CDH13: variants seen among roughly 807,000 people sequenced by gnomAD.
The protein encoded by CDH13 is cadherin-13.
CDH13 carries 24 observed loss-of-function variants against 63.8 expected under a neutral mutation model. The observed-to-expected ratio is 0.38, with a 90% CI of 0.27 to 0.53. The LOEUF (loss-of-function observed/expected upper bound fraction) is 0.53. CDH13 is among the 20% of genes least tolerant of loss of function. CDH13 has a pLI of 0.85. For missense variants in CDH13, 1,049 were observed against 903.1 expected (o/e 1.16, Z -2.07); for synonymous variants, 503 against 355.3 (o/e 1.42, Z -4.67).
At chr16:83,517,510 A>G (rs188151583) in intron 7 of CDH13, among the ~76,000 whole-genome samples, 7 of 152,258 alleles carry the variant, frequency 4.6e-5, no homozygotes, top group Admixed American at 1.3e-4. Flanking sequence ...GCAGAAGAAC[A>G]AAGAGTTACA....
At chr16:83,358,793 G>C (rs1267540298) in intron 6 of CDH13, among the ~76,000 whole-genome samples, 3 of 152,020 alleles carry the variant, frequency 2.0e-5, no homozygotes, top group Admixed American at 2.0e-4. Context: ...TTATCTTAGA[G>C]TTCCTTCCAG....
At chr16:82,772,596 C>T (rs1408857060) in intron 1 of CDH13, among the ~76,000 whole-genome samples, 1 of 152,186 alleles carries the variant, frequency 6.6e-6, no homozygotes, top group African/African-American at 2.4e-5. Context: ...GCTAACTAAG[C>T]TACTGAATAC....
At chr16:83,527,448 C>G (rs1426449214) in intron 7 of CDH13, among the ~76,000 whole-genome samples, 1 of 138,934 alleles carries the variant, frequency 7.2e-6, no homozygotes, top group African/African-American at 2.6e-5. Context: ...GACCCCATCT[C>G]AAAAAAAAAA....
At chr16:82,852,278 T>A (rs888016799) in intron 1 of CDH13, among the ~76,000 whole-genome samples, 3 of 152,210 alleles carry the variant, frequency 2.0e-5, no homozygotes, top group African/African-American at 7.2e-5. Flanking sequence ...CATGGATGTT[T>A]AGTGTACAAT....
intron 7 of CDH13, among the ~76,000 whole-genome samples, chr16:83,518,540 T>C (rs1450947053): frequency 6.6e-6 from 1 of 150,472 alleles, no homozygotes; most frequent in East Asian, 2.0e-4. Flanking sequence ...TGGTGCAATG[T>C]TGGCTCACTG....
intron 8 of CDH13, among the ~76,000 whole-genome samples, chr16:83,627,225 G>A (rs1044730433): frequency 6.6e-6 from 1 of 152,124 alleles, no homozygotes; most frequent in African/African-American, 2.4e-5. Flanking sequence ...AGGAGGCAGA[G>A]GTTGCAGTGA....
chr16:83,177,374 C>G (rs117832645), intron 4 of CDH13, among the ~76,000 whole-genome samples: 15 of 152,302 alleles, frequency 9.8e-5, no homozygotes, highest in Non-Finnish European at 1.8e-4. Context: ...CCCAGGTCTG[C>G]TACAGCACAA....
At chr16:83,282,861 A>T (rs141488759) in intron 5 of CDH13, among the ~76,000 whole-genome samples, 112 of 152,142 alleles carry the variant, frequency 7.4e-4, no homozygotes, top group African/African-American at 2.5e-3. Context: ...TGAGCAATTG[A>T]CCTCTGTGGG....
chr16:83,092,217 A>G (rs959207834), intron 3 of CDH13, among the ~76,000 whole-genome samples: 13 of 152,240 alleles, frequency 8.5e-5, no homozygotes, highest in Non-Finnish European at 1.9e-4. Flanking sequence ...AAGTGACACA[A>G]TTCTTCAATA....
intron 3 of CDH13, among the ~76,000 whole-genome samples, chr16:83,063,005 C>A (rs967759286): frequency 6.7e-6 from 1 of 149,584 alleles, no homozygotes; most frequent in South Asian, 2.1e-4. Flanking sequence ...CTCTATTACC[C>A]AGGCTGGAGT....
intron 3 of CDH13, among the ~76,000 whole-genome samples, chr16:83,084,804 C>G (rs1476866984): frequency 1.3e-5 from 2 of 152,190 alleles, no homozygotes; most frequent in African/African-American, 4.8e-5. Context: ...AGGAGAATCC[C>G]TTGAACCCAG....
At chr16:83,659,691 C>T (rs1267753479) in intron 8 of CDH13, among the ~76,000 whole-genome samples, 1 of 151,852 alleles carries the variant, frequency 6.6e-6, no homozygotes, top group African/African-American at 2.4e-5. Context: ...CAGCTTTAGT[C>T]TGATACCCTT....
chr16:83,118,538 G>A (rs1303902704), intron 3 of CDH13, among the ~76,000 whole-genome samples: 1 of 152,156 alleles, frequency 6.6e-6, no homozygotes. Flanking sequence ...TCTGGCCTTA[G>A]GCCATCCACA....
At chr16:83,443,713 A>G (rs2072554828) in intron 6 of CDH13, among the ~76,000 whole-genome samples, 1 of 91,884 alleles carries the variant, frequency 1.1e-5, no homozygotes, top group Admixed American at 1.1e-4. Flanking sequence ...ACGAAAAAAA[A>G]AAAAAAAAAA....
At chr16:82,888,531 C>T (rs1385716320) in intron 2 of CDH13, among the ~76,000 whole-genome samples, 1 of 152,220 alleles carries the variant, frequency 6.6e-6, no homozygotes, top group Non-Finnish European at 1.5e-5. Flanking sequence ...CTCCTGGTCG[C>T]CTGGACAGAA....
chr16:83,499,802 C>G lies in CDH13; in HGVS notation c.960+13147C>G, dbSNP rs555981582. Among the ~76,000 whole-genome samples the G allele has an allele frequency of 8.3e-4, 52 of 62,874 alleles. No individual in the cohort carries two copies. In the Middle Eastern group the frequency reaches 0.03, roughly 36 times the overall value. The allele number at this position is 62,874 out of a possible 152,430, so 41.2% of individuals were successfully genotyped here. On this transcript the variant is annotated intron_variant, in intron 7 of 13. Transcript: ENST00000567109. ...ATTTTTGTAATTTAGAAAACCAATT[C>G]TGTTAATCTTTTTTTTTGAGACGAA...
intron 6 of CDH13, among the ~76,000 whole-genome samples, chr16:83,389,941 AT>A (rs2091753329): frequency 1.3e-5 from 2 of 152,218 alleles, no homozygotes. Context: ...GCTTTAACTA[AT>A]GGGATCTGAG....
At position 83,216,009 on chromosome 16, in the gene CDH13, C is replaced by A. The variant is rs574800136; in HGVS notation, c.484-1336C>A. 2.7e-5 allele frequency among the ~76,000 whole-genome samples: 4 copies of A among 150,120 alleles called. No homozygotes were observed. In the East Asian group the frequency reaches 8.1e-4, roughly 30 times the overall value. On this transcript the variant is annotated intron_variant, in intron 4 of 13. Transcript: ENST00000567109. ...ACCACCCCCCATACTTTGACCCCAA[C>A]TGCTTCTCAGCCTAACCCTCTACAT...
chr16:83,161,760 C>T (rs559284976), intron 4 of CDH13, among the ~76,000 whole-genome samples: 1 of 152,296 alleles, frequency 6.6e-6, no homozygotes, highest in East Asian at 1.9e-4. Flanking sequence ...TGATATACCT[C>T]TTCCCTACTA....
Sources: gnomAD v4.1 joint callset for allele counts (sites outside exome capture counted in the v4.1 genomes callset) on GRCh38, gnomAD v4.1.1 for gene constraint, MANE v1.5 for transcripts, NCBI Gene and HGNC (gene_info 2026-07-23, HGNC 2026-07-21) for gene names.